UROC1: variants seen among roughly 807,000 people sequenced by gnomAD.
UROC1 encodes the protein urocanate hydratase.
Under a neutral mutation model 89.5 loss-of-function variants are expected in UROC1, and 79 were observed. That is an observed-to-expected ratio of 0.88 (90% confidence interval 0.74 to 1.06). The LOEUF is 1.06. Ranked by LOEUF, UROC1 falls within the 50% of genes least tolerant of loss-of-function variation. The probability of loss-of-function intolerance (pLI) is 0.00; values close to 1 mark genes in which losing one functional copy is unlikely to be tolerated. For missense variants in UROC1, 885 were observed against 907.8 expected (o/e 0.97, Z 0.32); for synonymous variants, 361 against 354.8 (o/e 1.02, Z -0.20).
intron 15 of UROC1, among the ~76,000 whole-genome samples, chr3:126,495,688 A>G (rs963974448): frequency 7.9e-5 from 12 of 152,212 alleles, no homozygotes; most frequent in Non-Finnish European, 1.6e-4. Context: ...GCTGGGTCAT[A>G]GGGTAATTCT....
At position 126,504,058 on chromosome 3, in the gene UROC1, C is replaced by T. The variant is rs367879924; in HGVS notation, c.839G>A (p.Arg280His). The T allele has an allele frequency of 1.7e-5, 27 of 1,614,016 alleles. No individual in the cohort carries two copies. The highest frequency in any genetic ancestry group is 1.0e-4 in the Admixed American group (6 of 60,000). ...TTCCATCAGCCAGCCCTGCCTGTGG[C>T]GTTTCTCAAGGGCTGCTTTATCCAC... ...AEVDKAALEK[R>H]HRQGWLMEVT... The change falls in exon 9 of 20, where the codon CGC becomes CAC. Residue 280 changes from arginine to histidine, a missense_variant. Transcript: ENST00000290868.
At chr3:126,517,076 C>T (rs909423838) in intron 1 of UROC1, among the ~76,000 whole-genome samples, 1 of 152,130 alleles carries the variant, frequency 6.6e-6, no homozygotes, top group Non-Finnish European at 1.5e-5. Context: ...CACTGGCAAG[C>T]GTGCACCATC....
Position 126,510,655 on chromosome 3 carries a change from A to G in UROC1, c.257+9T>C. 2 of 1,613,812 alleles carry G rather than the reference A, an allele frequency of 1.2e-6. No homozygotes were observed. The highest frequency in any genetic ancestry group is 1.7e-5 in the Admixed American group (1 of 60,010). On this transcript the variant is annotated intron_variant, in intron 2 of 19. Coordinates refer to ENST00000290868, the MANE Select transcript of UROC1 (RefSeq NM_144639.3). ...CGGGTCCCTTTGAAGCTGTACCCAC[A>G]AGGCTGACCTCATTTCAATGTCGGG...
At chr3:126,510,357 T>C (rs1339207084) in intron 2 of UROC1, among the ~76,000 whole-genome samples, 1 of 152,236 alleles carries the variant, frequency 6.6e-6, no homozygotes, top group Non-Finnish European at 1.5e-5. Context: ...GCCATGGTTT[T>C]TAAAAGGGGT....
chr3:126,514,149 G>C (rs188743654), intron 1 of UROC1, among the ~76,000 whole-genome samples: 1 of 152,252 alleles, frequency 6.6e-6, no homozygotes, highest in African/African-American at 2.4e-5. Flanking sequence ...AGGGCTCCTA[G>C]TACAACTCTT....
At chr3:126,484,683 A>T (rs1935472320) in intron 18 of UROC1, among the ~76,000 whole-genome samples, 2 of 151,970 alleles carry the variant, frequency 1.3e-5, no homozygotes, top group African/African-American at 4.8e-5. Flanking sequence ...CAGAAGCTGC[A>T]CCCCTCCTGC....
chr3:126,498,210 G>A (rs543455971), intron 13 of UROC1, 38 bp from the exon 14 acceptor site: 3 of 1,613,430 alleles, frequency 1.9e-6, no homozygotes, highest in Admixed American at 1.7e-5. Flanking sequence ...GGGCCCGCTG[G>A]CTTGTTGGGG....
chr3:126,495,104 T>C (rs1324258465), intron 15 of UROC1, among the ~76,000 whole-genome samples: 1 of 152,170 alleles, frequency 6.6e-6, no homozygotes, highest in Non-Finnish European at 1.5e-5. Context: ...CAGGGCTGCC[T>C]CTATTTGTTG....
chr3:126,485,500 G>A (rs1024189635), intron 18 of UROC1, among the ~76,000 whole-genome samples: 2 of 152,088 alleles, frequency 1.3e-5, no homozygotes, highest in Non-Finnish European at 2.9e-5. Context: ...AGAGGTCCTC[G>A]GGGCAGAGGA....
At chr3:126,504,632 C>A (rs1171614234) in intron 8 of UROC1, among the ~76,000 whole-genome samples, 1 of 152,164 alleles carries the variant, frequency 6.6e-6, no homozygotes, top group African/African-American at 2.4e-5. Context: ...AAATAAAACC[C>A]TATTTACACA....
intron 2 of UROC1, 76 bp downstream of exon 2, chr3:126,510,588 C>T: frequency 6.3e-7 from 1 of 1,590,476 alleles, no homozygotes; most frequent in Non-Finnish European, 8.5e-7. Flanking sequence ...CCTCCTTGTT[C>T]CTGGCCCCCA....
In UROC1 at chr3:126,509,669, C is replaced by T. The variant is rs757203733; in HGVS notation, c.267G>A (p.Pro89=). ...FCPDIEMRAY[P]IEQYPCQTKV... Reference sequence around the variant, plus strand: ...TCGTCTGGCAGGGGTACTGCTCAATCGGGTAGGCCCTGCAAGGGAAAGCCC... The same window carrying T: ...TCGTCTGGCAGGGGTACTGCTCAATTGGGTAGGCCCTGCAAGGGAAAGCCC... Residue 89 remains proline (P), a synonymous_variant, in exon 3 of 20, where the codon CCG becomes CCA. Coordinates refer to ENST00000290868, the MANE Select transcript of UROC1 (RefSeq NM_144639.3). 1.5e-5 allele frequency: 24 copies of T among 1,551,676 alleles called. No individual in the cohort carries two copies. The Admixed American group carries it at 2.0e-4, about 13-fold the overall frequency.
At chr3:126,499,883 C>T (rs566832896) in intron 12 of UROC1, among the ~76,000 whole-genome samples, 174 bp downstream of exon 12, 3 of 152,314 alleles carry the variant, frequency 2.0e-5, no homozygotes, top group African/African-American at 4.8e-5. Flanking sequence ...GGCTGAGCCA[C>T]CTGGCTGGGC....
Position 126,482,511 on chromosome 3 carries a change from C to T in UROC1, c.1891-26G>A, listed in dbSNP as rs370467927. 7.4e-6 allele frequency: 12 copies of T among 1,613,570 alleles called. No homozygotes were observed. The Admixed American group carries it at 1.3e-4, about 18-fold the overall frequency. ...CTAGGGCAAGGAGGGGGATAGCAGT[C>T]CATGTCAACATAACCGGGCTCCCCA... On this transcript the variant is annotated intron_variant, in intron 19 of 19. Transcript: ENST00000290868.
Position 126,503,952 on chromosome 3 carries a change from C to T in UROC1, c.902+43G>A, listed in dbSNP as rs369695467. ...GTCCTCTTGTGGTCTCCTGCTGCCA[C>T]GTGTCAGGTGTCAGGTGTCCGGAGT... On this transcript the variant is annotated intron_variant, in intron 9 of 19. Coordinates refer to ENST00000290868, the MANE Select transcript of UROC1 (RefSeq NM_144639.3). 109 of 1,610,156 alleles carry T rather than the reference C, an allele frequency of 6.8e-5. No individual in the cohort carries two copies. The African/African-American group carries it at 7.7e-4, about 11-fold the overall frequency.
chr3:126,517,051 T>C (rs1936344040), intron 1 of UROC1, among the ~76,000 whole-genome samples: 1 of 152,012 alleles, frequency 6.6e-6, no homozygotes, highest in South Asian at 2.1e-4. Flanking sequence ...AAAGGGAGGT[T>C]CCCAGACAGG....
At chr3:126,512,164 C>T (rs2107551004) in intron 1 of UROC1, among the ~76,000 whole-genome samples, 1 of 152,334 alleles carries the variant, frequency 6.6e-6, no homozygotes, top group African/African-American at 2.4e-5. Flanking sequence ...GGGGCTCACA[C>T]AGGTCGTGTG....
intron 18 of UROC1, among the ~76,000 whole-genome samples, chr3:126,486,861 A>G (rs915127622): frequency 1.3e-5 from 2 of 152,150 alleles, no homozygotes; most frequent in African/African-American, 2.4e-5. Flanking sequence ...TGGTTGAGGG[A>G]TAGACATTTT....
intron 1 of UROC1, among the ~76,000 whole-genome samples, chr3:126,512,153 T>C (rs1936209946): frequency 6.6e-6 from 1 of 152,222 alleles, no homozygotes; most frequent in Non-Finnish European, 1.5e-5. Flanking sequence ...AACAAGACGA[T>C]GGGGCTCACA....
Sources: gnomAD v4.1 joint callset for allele counts (sites outside exome capture counted in the v4.1 genomes callset) on GRCh38, gnomAD v4.1.1 for gene constraint, MANE v1.5 for transcripts, NCBI Gene and HGNC (gene_info 2026-07-23, HGNC 2026-07-21) for gene names.